The following PCCA variants were observed in gnomAD, a reference collection of about 807,000 sequenced individuals.
The protein encoded by PCCA is propionyl-CoA carboxylase alpha chain, mitochondrial.
Under a neutral mutation model 101.3 loss-of-function variants are expected in PCCA, and 74 were observed. The ratio of observed to expected loss-of-function variants is 0.73; its 90% CI spans 0.61 to 0.89. PCCA has a LOEUF of 0.89. PCCA is among the 40% of genes least tolerant of loss of function. PCCA has a pLI of 0.00. For missense variants in PCCA, 891 were observed against 907.0 expected (o/e 0.98, Z 0.23); for synonymous variants, 294 against 313.6 (o/e 0.94, Z 0.66).
intron 8 of PCCA, among the ~76,000 whole-genome samples, chr13:100,242,153 A>G (rs900387935): frequency 9.2e-5 from 14 of 152,198 alleles, no homozygotes; most frequent in South Asian, 2.1e-4. Context: ...TGACTCAACT[A>G]TATGCTGTCT....
At chr13:100,498,965 G>T (rs2085470897) in intron 21 of PCCA, among the ~76,000 whole-genome samples, 1 of 152,008 alleles carries the variant, frequency 6.6e-6, no homozygotes, top group Non-Finnish European at 1.5e-5. Flanking sequence ...GCATTGATTT[G>T]GTTCTCTGGT....
chr13:100,142,225 A>G (rs2051963291), intron 4 of PCCA, among the ~76,000 whole-genome samples: 1 of 152,170 alleles, frequency 6.6e-6, no homozygotes, highest in African/African-American at 2.4e-5. Context: ...CAAAAGAGGC[A>G]TGCCAACAGC....
At chr13:100,298,672 CTCCTTCCT>C (rs1162874306) in intron 12 of PCCA, among the ~76,000 whole-genome samples, 459 of 3,010 alleles carry the variant, frequency 0.15, 38 homozygotes, top group Non-Finnish European at 0.19. Context: ...CCCTCCCTCC[CTCCTTCCT>C]TCCTTCCTTC....
chr13:100,472,084 T>C (rs1360210376), intron 21 of PCCA, among the ~76,000 whole-genome samples: 1 of 152,174 alleles, frequency 6.6e-6, no homozygotes, highest in Non-Finnish European at 1.5e-5. Flanking sequence ...AGGGCTTTTA[T>C]ATACCTGCTG....
At chr13:100,111,178 CTTTTTTTTTT>C (rs965293674) in intron 2 of PCCA, among the ~76,000 whole-genome samples, 30 of 98,532 alleles carry the variant, frequency 3.0e-4, no homozygotes, top group African/African-American at 1.1e-3. Context: ...GACCCAGCTC[CTTTTTTTTTT>C]TTTTTTTTTT....
intron 22 of PCCA, among the ~76,000 whole-genome samples, chr13:100,525,092 G>T (rs889038494): frequency 3.3e-5 from 5 of 152,106 alleles, no homozygotes; most frequent in Admixed American, 6.5e-5. Flanking sequence ...TAGACACCAC[G>T]AGAGGAACTA....
chr13:100,290,731 T>C (rs1032534356), intron 12 of PCCA, among the ~76,000 whole-genome samples: 1 of 152,232 alleles, frequency 6.6e-6, no homozygotes, highest in Non-Finnish European at 1.5e-5. Context: ...GTTTTTGCAA[T>C]TTAGGTCTAC....
intron 19 of PCCA, among the ~76,000 whole-genome samples, chr13:100,401,521 C>A (rs548677223): frequency 6.6e-6 from 1 of 152,126 alleles, no homozygotes; most frequent in Non-Finnish European, 1.5e-5. Context: ...GAATTACAGG[C>A]GTGAGCCACC....
intron 19 of PCCA, among the ~76,000 whole-genome samples, chr13:100,412,357 A>T (rs536264501): frequency 8.5e-5 from 13 of 152,232 alleles, no homozygotes; most frequent in Non-Finnish European, 1.8e-4. Flanking sequence ...CAGAAATGTT[A>T]GCAGCTAGGG....
rs1170504504 is a variant in PCCA, at chr13:100,209,386, G to A, written c.523G>A (p.Gly175Ser). 6.2e-7 allele frequency: 1 copy of A among 1,613,112 alleles called. No individual in the cohort carries two copies. Among genetic ancestry groups the A allele is most frequent in the East Asian group, 2.2e-5 (1 of 44,854 alleles). Residue 175 changes from glycine (G) to serine (S), a missense_variant, in exon 7 of 24, where the codon GGC (glycine) becomes AGC (serine). Transcript: ENST00000376285. Reference protein sequence around the residue: ...GPDTHAIQAMGDKIESKLLAK... With the variant: ...GPDTHAIQAMSDKIESKLLAK... Reference sequence around the variant, plus strand: ...TGACACACATGCTATTCAAGCCATGGGCGACAAGATTGAAAGCAAATTATT... The same window carrying A: ...TGACACACATGCTATTCAAGCCATGAGCGACAAGATTGAAAGCAAATTATT...
At chr13:100,233,385 T>G (rs912115716) in intron 7 of PCCA, among the ~76,000 whole-genome samples, 2 of 152,208 alleles carry the variant, frequency 1.3e-5, no homozygotes, top group Admixed American at 1.3e-4. Flanking sequence ...GGAACTGTTT[T>G]TCTGTGAGCT....
intron 21 of PCCA, among the ~76,000 whole-genome samples, chr13:100,474,041 C>G (rs1486367862): frequency 6.6e-6 from 1 of 152,186 alleles, no homozygotes; most frequent in Non-Finnish European, 1.5e-5. Flanking sequence ...GTAGAGTTCC[C>G]TGTGCCACCT....
intron 15 of PCCA, among the ~76,000 whole-genome samples, chr13:100,309,338 A>C (rs2066722913): frequency 1.3e-5 from 2 of 152,240 alleles, no homozygotes; most frequent in South Asian, 2.1e-4. Context: ...CGGAGGTTGC[A>C]GTGAGCTGAG....
At chr13:100,487,474 T>C (rs1284417651) in intron 21 of PCCA, among the ~76,000 whole-genome samples, 4 of 152,200 alleles carry the variant, frequency 2.6e-5, no homozygotes, top group Admixed American at 6.5e-5. Context: ...AGTTAGTTGA[T>C]TGTGTGTGTG....
chr13:100,092,211 C>A (rs1467877830), intron 1 of PCCA, among the ~76,000 whole-genome samples: 1 of 152,026 alleles, frequency 6.6e-6, no homozygotes, highest in Admixed American at 6.6e-5. Context: ...CCACCGAGCC[C>A]AATGGTGTGA....
intron 18 of PCCA, among the ~76,000 whole-genome samples, chr13:100,364,482 T>C (rs1011409490): frequency 6.6e-6 from 1 of 152,250 alleles, no homozygotes; most frequent in African/African-American, 2.4e-5. Context: ...CTTTCAGGTT[T>C]GTATTTTTTA....
In PCCA at chr13:100,130,889, G is replaced by A. The variant is rs74116309; in HGVS notation, c.300+18828G>A. On this transcript the variant is annotated intron_variant, in intron 4 of 23. Transcript: ENST00000376285. ...TACACAACCTATTTGTGAAGGTTTC[G>A]TGTAATTTTTCTTTTCAGTAAGAAG... Among the ~76,000 whole-genome samples, 1,338 of 152,228 alleles carry A rather than the reference G, an allele frequency of 8.8e-3. 14 individuals are homozygous for A. The highest frequency in any genetic ancestry group is 0.031 in the African/African-American group (1,269 of 41,558).
At chr13:100,522,287 TG>T (rs1222178619) in intron 22 of PCCA, among the ~76,000 whole-genome samples, 3 of 152,234 alleles carry the variant, frequency 2.0e-5, no homozygotes, top group Non-Finnish European at 4.4e-5. Flanking sequence ...TCGTATTTCA[TG>T]GTCTGCAGTT....
At chr13:100,215,575 T>C (rs745562858) in intron 7 of PCCA, among the ~76,000 whole-genome samples, 2 of 152,152 alleles carry the variant, frequency 1.3e-5, no homozygotes, top group Non-Finnish European at 2.9e-5. Flanking sequence ...TTATATGAAA[T>C]GGGGTAGTGT....
Sources: allele counts gnomAD v4.1 joint callset (sites outside exome capture counted in the v4.1 genomes callset), GRCh38; gene constraint gnomAD v4.1.1; transcripts MANE v1.5; gene names NCBI Gene and HGNC (gene_info 2026-07-23, HGNC 2026-07-21).